The following SAMD12 variants were observed in gnomAD, a reference collection of about 807,000 sequenced individuals.
SAMD12 encodes the protein sterile alpha motif domain-containing protein 12.
In SAMD12, 9 loss-of-function variants were observed where a neutral mutation model predicts 15.0. The observed-to-expected ratio is 0.60, with a 90% CI of 0.36 to 1.05. The LOEUF is 1.05. Among genes scored for constraint, SAMD12 ranks in the 50% least tolerant of loss-of-function variants. The pLI is 0.01. For missense variants in SAMD12, 230 were observed against 234.2 expected, an observed-to-expected ratio of 0.98 and a Z score of 0.12; for synonymous variants, 86 against 90.1, an observed-to-expected ratio of 0.96 and a Z score of 0.25.
rs144924231 is a variant in SAMD12, at chr8:118,598,179, A to G, written c.14-17286T>C. 3.5e-3 allele frequency among the ~76,000 whole-genome samples: 528 copies of G among 152,326 alleles called. 7 individuals are homozygous for G. Among genetic ancestry groups the G allele is most frequent in the African/African-American group, 0.012 (512 of 41,566 alleles). ...AAAGGAAACCTAGTTTCATCCGAGA[A>G]TCAAAGAAGCCACATTTGTTATGAA... On this transcript the variant is annotated intron_variant, in intron 1 of 3. Coordinates refer to ENST00000314727, the MANE Select transcript of SAMD12 (RefSeq NM_207506.3).
chr8:118,425,865 G>A (rs1009520320), intron 3 of SAMD12, among the ~76,000 whole-genome samples: 1 of 152,094 alleles, frequency 6.6e-6, no homozygotes, highest in African/African-American at 2.4e-5. Context: ...CCCCACTCTG[G>A]TTATTTCTAA....
chr8:118,424,802 G>A (rs141383369), intron 3 of SAMD12, among the ~76,000 whole-genome samples: 156 of 152,130 alleles, frequency 1.0e-3, no homozygotes, highest in African/African-American at 3.5e-3. Context: ...CATAAATGAC[G>A]CCATCTAAAG....
At chr8:118,342,714 T>C (rs1234997460) in intron 4 of SAMD12, among the ~76,000 whole-genome samples, 3 of 152,244 alleles carry the variant, frequency 2.0e-5, no homozygotes, top group Non-Finnish European at 2.9e-5. Context: ...ATGCTAGTGA[T>C]AGAATCACCT....
At chr8:118,614,634 C>T (rs548474632) in intron 1 of SAMD12, among the ~76,000 whole-genome samples, 1 of 152,282 alleles carries the variant, frequency 6.6e-6, no homozygotes, top group South Asian at 2.1e-4. Context: ...CCGAATAGAA[C>T]ACAAATACCT....
intron 4 of SAMD12, among the ~76,000 whole-genome samples, chr8:118,230,996 T>C (rs1002806672): frequency 6.6e-6 from 1 of 152,132 alleles, no homozygotes; most frequent in African/African-American, 2.4e-5. Flanking sequence ...AGACTTATTA[T>C]AAGAGGGCAA....
intron 2 of SAMD12, among the ~76,000 whole-genome samples, chr8:118,569,344 G>A (rs905986957): frequency 2.0e-5 from 3 of 152,122 alleles, no homozygotes; most frequent in African/African-American, 7.2e-5. Context: ...TGAATTTCAT[G>A]CTTAGACTTG....
At chr8:118,460,614 A>G (rs1379706815) in intron 2 of SAMD12, among the ~76,000 whole-genome samples, 1 of 152,176 alleles carries the variant, frequency 6.6e-6, no homozygotes. Flanking sequence ...TGAGAATATC[A>G]ATGCAATAAA....
rs555852232 is a variant in SAMD12 at position 118,388,633 on chromosome 8, C to T, written c.323-8933G>A. Among the ~76,000 whole-genome samples, 8 of 152,278 alleles carry T rather than the reference C, an allele frequency of 5.3e-5. No individual in the cohort carries two copies. In the East Asian group the frequency reaches 5.8e-4, roughly 11 times the overall value. ...AGCACCTCACTAGAGCCTTACTCAA[C>T]GTAGGCACTAAAAAGATACTTGTTA... On this transcript the variant is annotated intron_variant, in intron 3 of 3. Coordinates refer to ENST00000314727, the MANE Select transcript of SAMD12 (RefSeq NM_207506.3).
chr8:118,567,990 C>T (rs939026944), intron 2 of SAMD12, among the ~76,000 whole-genome samples: 10 of 152,284 alleles, frequency 6.6e-5, no homozygotes, highest in African/African-American at 1.4e-4. Flanking sequence ...AGACATGTCA[C>T]TAAACATGGG....
At chr8:118,373,648 T>A (rs1020211861), downstream of SAMD12, among the ~76,000 whole-genome samples, 7 of 152,172 alleles carry the variant, frequency 4.6e-5, no homozygotes, top group African/African-American at 9.6e-5. Context: ...TAATGAGCTA[T>A]AACTGGCCCT....
At chr8:118,278,663 A>T (rs553050867) in intron 4 of SAMD12, among the ~76,000 whole-genome samples, 1 of 152,350 alleles carries the variant, frequency 6.6e-6, no homozygotes, top group Admixed American at 6.5e-5. Flanking sequence ...TTGGAGTAAC[A>T]TACCTAGAGC....
intron 2 of SAMD12, among the ~76,000 whole-genome samples, chr8:118,486,483 G>C (rs1272997349): frequency 6.6e-6 from 1 of 151,796 alleles, no homozygotes; most frequent in Non-Finnish European, 1.5e-5. Context: ...GGCTTAAACT[G>C]CTATTGCTGG....
chr8:118,379,814 C>T lies in SAMD12; in HGVS notation c.323-114G>A, dbSNP rs564639786. 3.3e-5 allele frequency: 43 copies of T among 1,312,322 alleles called. No individual in the cohort carries two copies. The Middle Eastern group carries it at 9.7e-4, about 29-fold the overall frequency. The allele number at this position is 1,312,322 out of a possible 1,614,324, so 81.3% of individuals were successfully genotyped here. ...ACAGAAGTTTCTACCTAAACACAGA[C>T]ATTTTAGAATAAAGGTCTTCCATTA... On this transcript the variant is annotated intron_variant, in intron 3 of 3. Transcript: ENST00000314727.
chr8:118,132,263 T>A, the SAMD12 span, among the ~76,000 whole-genome samples: 1 of 152,200 alleles, frequency 6.6e-6, no homozygotes, highest in Non-Finnish European at 1.5e-5. Context: ...TATGAAGATA[T>A]TTCTACATAA....
intron 4 of SAMD12, among the ~76,000 whole-genome samples, chr8:118,234,171 G>GT (rs750157184): frequency 2.6e-5 from 4 of 152,112 alleles, no homozygotes; most frequent in Non-Finnish European, 5.9e-5. Context: ...GTTTCTCGAT[G>GT]TTTTTTGGTG....
At chr8:118,474,267 T>A (rs1210659366) in intron 2 of SAMD12, among the ~76,000 whole-genome samples, 5 of 152,174 alleles carry the variant, frequency 3.3e-5, no homozygotes, top group African/African-American at 1.2e-4. Context: ...AGTCTAGAGC[T>A]ATTTTTATTC....
At chr8:118,341,714 A>T (rs1817375157) in intron 4 of SAMD12, among the ~76,000 whole-genome samples, 1 of 152,194 alleles carries the variant, frequency 6.6e-6, no homozygotes, top group South Asian at 2.1e-4. Context: ...CCCAAAAGCC[A>T]CACCTCCAAA....
At chr8:118,280,774 T>C (rs1813606917) in intron 4 of SAMD12, among the ~76,000 whole-genome samples, 1 of 152,192 alleles carries the variant, frequency 6.6e-6, no homozygotes, top group African/African-American at 2.4e-5. Context: ...ACTTTATTAC[T>C]ATATATGCAC....
intron 2 of SAMD12, among the ~76,000 whole-genome samples, chr8:118,526,187 C>A (rs1047428157): frequency 1.1e-4 from 17 of 152,052 alleles, no homozygotes; most frequent in African/African-American, 4.1e-4. Flanking sequence ...AGCTGCTGAA[C>A]AACAACATGA....
Sources: gnomAD v4.1 joint callset for allele counts (sites outside exome capture counted in the v4.1 genomes callset) on GRCh38, gnomAD v4.1.1 for gene constraint, MANE v1.5 for transcripts, NCBI Gene and HGNC (gene_info 2026-07-23, HGNC 2026-07-21) for gene names.